The following MED15 variants were observed in gnomAD, a reference collection of about 807,000 sequenced individuals.
MED15 encodes mediator complex subunit 15, also known as mediator of RNA polymerase II transcription subunit 15.
In MED15, 41 loss-of-function variants were observed where a neutral mutation model predicts 118.7. The ratio of observed to expected loss-of-function variants is 0.35; its 90% CI spans 0.27 to 0.45. MED15 has a LOEUF of 0.45. Ranked by LOEUF, MED15 falls within the 20% of genes least tolerant of loss-of-function variation. MED15 has a pLI of 1.00. For synonymous variants in MED15, 436 were observed against 413.9 expected (o/e 1.05, Z -0.65); for missense variants, 740 against 1,025.5 (o/e 0.72, Z 3.80).
intron 1 of MED15, among the ~76,000 whole-genome samples, chr22:20,513,433 C>G (rs2054147525): frequency 6.6e-6 from 1 of 152,000 alleles, no homozygotes; most frequent in Non-Finnish European, 1.5e-5. Context: ...CACCCGCCAC[C>G]ACTCCTGGCT....
chr22:20,543,198 GTTGCTTTT>G (rs2055384273), intron 2 of MED15, among the ~76,000 whole-genome samples: 1 of 77,434 alleles, frequency 1.3e-5, no homozygotes, highest in African/African-American at 5.2e-5. Flanking sequence ...TCTCTTTCAT[GTTGCTTTT>G]TTTTTTTTTT....
In MED15 at chr22:20,562,047, C is replaced by T. The variant is rs925705477; in HGVS notation, c.452-2403C>T. ...TGGTACACACCTGTAGTCCCATCTA[C>T]TTGTGAGGCTGAGGTGAGAGGATCG... On this transcript the variant is annotated intron_variant, in intron 5 of 17. Coordinates refer to ENST00000263205, the MANE Select transcript of MED15 (RefSeq NM_001003891.3). Among the ~76,000 whole-genome samples the T allele has an allele frequency of 2.6e-5, 4 of 152,012 alleles. No homozygotes were observed. The East Asian group carries it at 5.8e-4, about 22-fold the overall frequency.
At chr22:20,570,726 T>TTTTC (rs1359924164) in intron 8 of MED15, among the ~76,000 whole-genome samples, 1,614 of 113,758 alleles carry the variant, frequency 0.014, 69 homozygotes, top group East Asian at 0.099. Context: ...TTCTCTTTTC[T>TTTTC]TTTCTTTCTT....
At chr22:20,538,947 C>G (rs1198994211) in intron 2 of MED15, among the ~76,000 whole-genome samples, 2 of 150,604 alleles carry the variant, frequency 1.3e-5, no homozygotes, top group Admixed American at 6.6e-5. Context: ...GTGATCCGCC[C>G]GCCTCAGCCT....
intron 7 of MED15, 124 bp downstream of exon 7, chr22:20,566,941 C>T (rs2056464535): frequency 1.3e-6 from 2 of 1,499,488 alleles, no homozygotes; most frequent in East Asian, 2.3e-5. Flanking sequence ...AGGCAGCCCC[C>T]ACCCCTTGCC....
chr22:20,539,350 A>T (rs1242275213), intron 2 of MED15, among the ~76,000 whole-genome samples: 5 of 152,156 alleles, frequency 3.3e-5, no homozygotes, highest in Admixed American at 2.6e-4. Flanking sequence ...ACCTCAGGTG[A>T]TCCACCTGCC....
chr22:20,533,593 A>C lies in MED15; in HGVS notation c.69-3524A>C, dbSNP rs544674750. Among the ~76,000 whole-genome samples the C allele has an allele frequency of 3.3e-5, 5 of 152,124 alleles. No homozygotes were observed. The South Asian group carries it at 6.2e-4, about 19-fold the overall frequency. ...TGGAGGAGCGCCTTGCCGGAGGAGCACCTTGCTCCTTGGCCCCACTCTGAC... is the reference window on the plus strand; with the variant it reads ...TGGAGGAGCGCCTTGCCGGAGGAGCCCCTTGCTCCTTGGCCCCACTCTGAC... On this transcript the variant is annotated intron_variant, in intron 1 of 17. Transcript: ENST00000263205.
At chr22:20,540,399 C>T (rs552384195) in intron 2 of MED15, among the ~76,000 whole-genome samples, 1 of 152,228 alleles carries the variant, frequency 6.6e-6, no homozygotes, top group South Asian at 2.1e-4. Context: ...ATACCCTATA[C>T]AAAACTTAAC....
At chr22:20,575,293 T>A in intron 9 of MED15, 61 bp downstream of exon 9, 1 of 1,582,150 alleles carries the variant, frequency 6.3e-7, no homozygotes, top group South Asian at 1.1e-5. Context: ...TGAGCGCCTT[T>A]GTAAAGCGCA....
chr22:20,527,582 C>CA (rs960384554), intron 1 of MED15, among the ~76,000 whole-genome samples: 26 of 151,988 alleles, frequency 1.7e-4, no homozygotes, highest in African/African-American at 6.0e-4. Flanking sequence ...GCTGGGACTG[C>CA]AGGCATGCAC....
chr22:20,563,812 C>T (rs1167183590), intron 5 of MED15, among the ~76,000 whole-genome samples: 2 of 152,212 alleles, frequency 1.3e-5, no homozygotes, highest in South Asian at 2.1e-4. Flanking sequence ...GTGCTCCACT[C>T]GGTAGGTTTT....
intron 9 of MED15, among the ~76,000 whole-genome samples, chr22:20,576,606 A>G (rs1037848918): frequency 1.3e-5 from 2 of 152,236 alleles, no homozygotes; most frequent in Non-Finnish European, 2.9e-5. Context: ...CCTTTTTAGT[A>G]GTTGTTGAAT....
At chr22:20,583,304 T>C in intron 12 of MED15, 26 bp from the exon 13 acceptor site, 1 of 1,613,588 alleles carries the variant, frequency 6.2e-7, no homozygotes, top group Non-Finnish European at 8.5e-7. Flanking sequence ...GGCTTGTGTC[T>C]TAGTGTGTAC....
At chr22:20,531,570 G>A (rs2054864215) in intron 1 of MED15, among the ~76,000 whole-genome samples, 1 of 152,222 alleles carries the variant, frequency 6.6e-6, no homozygotes. Context: ...AGGCACCCTG[G>A]CCTCCACTGC....
At chr22:20,549,675 G>A (rs2055694299) in intron 2 of MED15, among the ~76,000 whole-genome samples, 1 of 152,210 alleles carries the variant, frequency 6.6e-6, no homozygotes, top group Non-Finnish European at 1.5e-5. Context: ...CTGGCAGCAT[G>A]ACAGCTTCCT....
At position 20,582,861 on chromosome 22, in the gene MED15, C is replaced by T. The variant is rs1195464367; in HGVS notation, c.1431C>T (p.Pro477=). The T allele has an allele frequency of 6.2e-7, 1 of 1,613,134 alleles. No homozygotes were observed. Among genetic ancestry groups the T allele is most frequent in the Non-Finnish European group, 8.5e-7 (1 of 1,179,974 alleles). ...SNVSSGPAPS[P]SSFLPSPSPQ... The stretch of plus-strand genomic sequence containing the variant: ...GCAGCTCTGGCCCTGCCCCATCTCC[C>T]AGTAGCTTCCTGCCCAGCCCCTCAC... Residue 477 remains proline, a synonymous_variant, in exon 11 of 18, where the codon CCC becomes CCT. Transcript: ENST00000263205.
intron 5 of MED15, among the ~76,000 whole-genome samples, chr22:20,560,834 C>A (rs181889309): frequency 6.6e-6 from 1 of 152,284 alleles, no homozygotes; most frequent in African/African-American, 2.4e-5. Context: ...GGTTTTGAGT[C>A]CAGGCAGCCT....
intron 5 of MED15, among the ~76,000 whole-genome samples, chr22:20,561,364 C>T (rs1309642342): frequency 6.6e-6 from 1 of 151,966 alleles, no homozygotes; most frequent in Non-Finnish European, 1.5e-5. Flanking sequence ...CCTAAAAATA[C>T]AAAAAGTTAG....
chr22:20,513,005 G>T (rs1316000171), intron 1 of MED15, among the ~76,000 whole-genome samples: 1 of 151,986 alleles, frequency 6.6e-6, no homozygotes, highest in Admixed American at 6.6e-5. Flanking sequence ...CTCCCAAAGT[G>T]CTGAGATTAC....
Sources: gnomAD v4.1 joint callset for allele counts (sites outside exome capture counted in the v4.1 genomes callset) on GRCh38, gnomAD v4.1.1 for gene constraint, MANE v1.5 for transcripts, NCBI Gene and HGNC (gene_info 2026-07-23, HGNC 2026-07-21) for gene names.